PBX3: variants seen among roughly 807,000 people sequenced by gnomAD.
PBX3 encodes PBX homeobox 3.
In PBX3, 14 loss-of-function variants were observed where a neutral mutation model predicts 48.5. That is an observed-to-expected ratio of 0.29 (90% confidence interval 0.19 to 0.45). The LOEUF is 0.45. Ranked by LOEUF, PBX3 falls within the 20% of genes least tolerant of loss-of-function variation. PBX3 has a pLI of 1.00. For missense variants in PBX3, 386 were observed against 546.7 expected (o/e 0.71, Z 2.93); for synonymous variants, 210 against 200.3 (o/e 1.05, Z -0.41).
chr9:125,774,619 A>T (rs1365000390), intron 2 of PBX3, among the ~76,000 whole-genome samples: 2 of 150,942 alleles, frequency 1.3e-5, no homozygotes, highest in Admixed American at 6.6e-5. Context: ...GTATGGATAT[A>T]CTACAATTTG....
intron 2 of PBX3, among the ~76,000 whole-genome samples, chr9:125,855,987 T>C (rs1404976337): frequency 2.0e-5 from 3 of 152,138 alleles, no homozygotes; most frequent in Non-Finnish European, 2.9e-5. Context: ...TAAAAAAATT[T>C]ACAACATAAT....
chr9:125,805,655 C>G (rs1047548334), intron 2 of PBX3, among the ~76,000 whole-genome samples: 4 of 152,022 alleles, frequency 2.6e-5, no homozygotes, highest in African/African-American at 9.7e-5. Context: ...AATATGGTTG[C>G]TTGGAAGGAA....
intron 5 of PBX3, among the ~76,000 whole-genome samples, chr9:125,958,643 A>G (rs1256841352): frequency 1.3e-5 from 2 of 152,226 alleles, no homozygotes; most frequent in Non-Finnish European, 2.9e-5. Context: ...TCAGGACCAC[A>G]AAGAAAATAT....
intron 4 of PBX3, among the ~76,000 whole-genome samples, chr9:125,935,023 G>A (rs1240934813): frequency 1.3e-5 from 2 of 152,118 alleles, no homozygotes; most frequent in African/African-American, 4.8e-5. Context: ...CTGAGCTTCT[G>A]TAATCTGCCC....
At chr9:125,748,501 A>AT (rs774880472) in intron 1 of PBX3, 49 bp from the exon 2 acceptor site, 8 of 1,597,324 alleles carry the variant, frequency 5.0e-6, no homozygotes, top group Middle Eastern at 3.3e-4. Flanking sequence ...GCGCCATATT[A>AT]TTCCATAGGT....
intron 2 of PBX3, among the ~76,000 whole-genome samples, chr9:125,866,542 C>G (rs1424687192): frequency 6.6e-6 from 1 of 152,154 alleles, no homozygotes; most frequent in African/African-American, 2.4e-5. Context: ...AAAGACATCT[C>G]TCTGCCTAGA....
At chr9:125,945,308 A>G (rs1842043434) in intron 5 of PBX3, among the ~76,000 whole-genome samples, 1 of 152,128 alleles carries the variant, frequency 6.6e-6, no homozygotes, top group Admixed American at 6.5e-5. Flanking sequence ...CACCTAGCAG[A>G]GTGCCTATCA....
At chr9:125,951,097 T>C (rs547625046) in intron 5 of PBX3, among the ~76,000 whole-genome samples, 46 of 152,306 alleles carry the variant, frequency 3.0e-4, no homozygotes, top group Middle Eastern at 3.4e-3. Context: ...TTGTAACAGT[T>C]AAATGAGATA....
intron 2 of PBX3, among the ~76,000 whole-genome samples, chr9:125,751,532 A>G (rs780074390): frequency 2.0e-5 from 3 of 152,236 alleles, no homozygotes; most frequent in Non-Finnish European, 2.9e-5. Context: ...AGGAAAGTAT[A>G]CTTCTACTAT....
chr9:125,930,481 G>A (rs144581760), intron 4 of PBX3, among the ~76,000 whole-genome samples: 5 of 152,306 alleles, frequency 3.3e-5, no homozygotes, highest in African/African-American at 7.2e-5. Context: ...CATAGTGTAC[G>A]CTGCCCCTGT....
At chr9:125,867,472 T>A (rs963882979) in intron 2 of PBX3, among the ~76,000 whole-genome samples, 2 of 151,860 alleles carry the variant, frequency 1.3e-5, no homozygotes, top group African/African-American at 4.8e-5. Context: ...AAACCCCATC[T>A]GTACTAAAAA....
intron 2 of PBX3, among the ~76,000 whole-genome samples, chr9:125,812,013 G>T (rs1838304375): frequency 6.6e-6 from 1 of 152,108 alleles, no homozygotes; most frequent in South Asian, 2.1e-4. Flanking sequence ...TAGGCCCAAG[G>T]GAACTTATTT....
At chr9:125,842,543 C>T (rs1339894570) in intron 2 of PBX3, among the ~76,000 whole-genome samples, 2 of 152,052 alleles carry the variant, frequency 1.3e-5, no homozygotes, top group Non-Finnish European at 2.9e-5. Context: ...TCTTGAGGCA[C>T]CTTTCAGAGT....
intron 5 of PBX3, among the ~76,000 whole-genome samples, chr9:125,943,447 C>G (rs1187753664): frequency 6.7e-6 from 1 of 148,538 alleles, no homozygotes; most frequent in Non-Finnish European, 1.5e-5. Context: ...TTGAGTTTCC[C>G]TATACCTGGA....
intron 2 of PBX3, among the ~76,000 whole-genome samples, chr9:125,783,383 G>T (rs528046837): frequency 6.6e-6 from 1 of 152,166 alleles, no homozygotes; most frequent in African/African-American, 2.4e-5. Flanking sequence ...TGCCTCCTGG[G>T]TTCAAGTGAT....
intron 5 of PBX3, among the ~76,000 whole-genome samples, chr9:125,940,889 G>T (rs971575545): frequency 6.6e-6 from 1 of 152,146 alleles, no homozygotes; most frequent in Non-Finnish European, 1.5e-5. Context: ...AGTTCCATGG[G>T]TATGTTCACT....
chr9:125,894,475 CAT>C (rs1187223615), intron 2 of PBX3, among the ~76,000 whole-genome samples: 1 of 152,050 alleles, frequency 6.6e-6, no homozygotes, highest in African/African-American at 2.4e-5. Flanking sequence ...CATTTGTTAA[CAT>C]GTGCCTGTTT....
At chr9:125,913,097 C>G (rs889537286) in intron 2 of PBX3, among the ~76,000 whole-genome samples, 3 of 151,874 alleles carry the variant, frequency 2.0e-5, no homozygotes, top group Admixed American at 6.6e-5. Context: ...GAAAAGAAAC[C>G]GATTCACTTT....
At chr9:125,903,069 G>C (rs921283902) in intron 2 of PBX3, among the ~76,000 whole-genome samples, 2 of 151,668 alleles carry the variant, frequency 1.3e-5, no homozygotes, top group African/African-American at 4.8e-5. Flanking sequence ...CTTTGTTTAC[G>C]CTCTGGCATT....
Sources: allele counts gnomAD v4.1 joint callset (sites outside exome capture counted in the v4.1 genomes callset), GRCh38; gene constraint gnomAD v4.1.1; transcripts MANE v1.5; gene names NCBI Gene and HGNC (gene_info 2026-07-23, HGNC 2026-07-21).